The following GRM7 variants were observed in gnomAD, a reference collection of about 807,000 sequenced individuals.
GRM7 encodes the protein glutamate metabotropic receptor 7.
A neutral mutation model predicts 84.5 loss-of-function variants in GRM7; 35 were observed. That is an observed-to-expected ratio of 0.41 (90% confidence interval 0.32 to 0.55). The LOEUF (loss-of-function observed/expected upper bound fraction) is 0.55. GRM7 is among the 20% of genes least tolerant of loss of function. The probability of loss-of-function intolerance (pLI) is 0.19; values close to 1 mark genes in which losing one functional copy is unlikely to be tolerated. For missense variants in GRM7, 1,003 were observed against 1,194.6 expected (o/e 0.84, Z 2.36); for synonymous variants, 487 against 455.1 (o/e 1.07, Z -0.89).
chr3:7,372,693 C>T (rs1026255299), intron 4 of GRM7, among the ~76,000 whole-genome samples: 5 of 152,096 alleles, frequency 3.3e-5, no homozygotes, highest in East Asian at 3.9e-4. Flanking sequence ...CAGATCGATA[C>T]TTGTCATCTT....
At chr3:7,074,679 G>A (rs545128579) in intron 1 of GRM7, among the ~76,000 whole-genome samples, 1 of 152,104 alleles carries the variant, frequency 6.6e-6, no homozygotes, top group Non-Finnish European at 1.5e-5. Flanking sequence ...TCAGTGACAG[G>A]CTGGAGAATT....
chr3:7,408,798 C>T (rs1695792032), intron 4 of GRM7, among the ~76,000 whole-genome samples: 1 of 152,196 alleles, frequency 6.6e-6, no homozygotes, highest in Non-Finnish European at 1.5e-5. Context: ...CAAAATTCCC[C>T]ATTTTGCAGA....
chr3:7,126,190 C>T (rs949722989), intron 1 of GRM7, among the ~76,000 whole-genome samples: 2 of 152,122 alleles, frequency 1.3e-5, no homozygotes, highest in Non-Finnish European at 2.9e-5. Context: ...CTGCCTAGGG[C>T]CTTAAGTGAA....
At chr3:7,165,330 CT>C (rs918899610) in intron 2 of GRM7, among the ~76,000 whole-genome samples, 1 of 152,268 alleles carries the variant, frequency 6.6e-6, no homozygotes, top group Non-Finnish European at 1.5e-5. Flanking sequence ...CTCTGGCCCC[CT>C]GGTGGGCTGT....
chr3:7,456,929 C>T lies in GRM7; in HGVS notation c.1375+4122C>T, dbSNP rs556371728. 3.3e-5 allele frequency among the ~76,000 whole-genome samples: 5 copies of T among 152,176 alleles called. No individual in the cohort carries two copies. The East Asian group carries it at 9.7e-4, about 29-fold the overall frequency. ...AAGCTTAGAGGGGAAAAAAACTTGA[C>T]ATGTTTTACTCATTCAATTTTCTGA... is the stretch of plus-strand genomic sequence containing the variant. On this transcript the variant is annotated intron_variant, in intron 6 of 9. Coordinates refer to ENST00000357716, the MANE Select transcript of GRM7 (RefSeq NM_000844.4).
chr3:7,558,132 A>C (rs925571243), intron 7 of GRM7, among the ~76,000 whole-genome samples: 1 of 152,148 alleles, frequency 6.6e-6, no homozygotes, highest in African/African-American at 2.4e-5. Context: ...ATATATGACA[A>C]TGTATCTCTT....
chr3:7,737,835 T>G (rs1037992209), intron 9 of GRM7, among the ~76,000 whole-genome samples: 8 of 151,370 alleles, frequency 5.3e-5, no homozygotes, highest in African/African-American at 1.5e-4. Context: ...GTAAAAATTA[T>G]TCTCCCAATT....
intron 1 of GRM7, among the ~76,000 whole-genome samples, chr3:6,982,743 A>G (rs1057448803): frequency 2.0e-5 from 3 of 152,232 alleles, no homozygotes; most frequent in African/African-American, 7.2e-5. Flanking sequence ...AGCATATAGT[A>G]TGAAACTAGC....
At chr3:7,047,266 T>C (rs1254267587) in intron 1 of GRM7, among the ~76,000 whole-genome samples, 1 of 152,052 alleles carries the variant, frequency 6.6e-6, no homozygotes, top group East Asian at 1.9e-4. Flanking sequence ...TATTTTACAA[T>C]CTTAGAATCT....
At chr3:7,007,478 G>A (rs2124887732) in intron 1 of GRM7, among the ~76,000 whole-genome samples, 1 of 152,212 alleles carries the variant, frequency 6.6e-6, no homozygotes, top group South Asian at 2.1e-4. Context: ...AGGCCTATTA[G>A]CAAATATCTC....
At chr3:7,727,350 T>C (rs1331480025) in intron 9 of GRM7, among the ~76,000 whole-genome samples, 1 of 152,216 alleles carries the variant, frequency 6.6e-6, no homozygotes, top group African/African-American at 2.4e-5. Context: ...TTCAAATGCA[T>C]GTTGCTTGTA....
chr3:7,084,518 G>A (rs1391809086), intron 1 of GRM7, among the ~76,000 whole-genome samples: 1 of 152,136 alleles, frequency 6.6e-6, no homozygotes, highest in Non-Finnish European at 1.5e-5. Flanking sequence ...TGTGAGGTAT[G>A]TATGAGAAAA....
chr3:7,393,398 C>G (rs745857797), intron 4 of GRM7, among the ~76,000 whole-genome samples: 5 of 152,152 alleles, frequency 3.3e-5, no homozygotes, highest in Admixed American at 1.3e-4. Flanking sequence ...CTCCCATTGC[C>G]AAGATTGTAA....
Position 7,559,010 on chromosome 3 carries a change from T to C in GRM7, c.1516-19412T>C, listed in dbSNP as rs73019828. On this transcript the variant is annotated intron_variant, in intron 7 of 9. Coordinates refer to ENST00000357716, the MANE Select transcript of GRM7 (RefSeq NM_000844.4). ...CCTAATAGAATTATTTTGGTGTTGA[T>C]TTTGTTTAATCAAACATCAGAAAAT... Among the ~76,000 whole-genome samples, 1,010 of 152,286 alleles carry C rather than the reference T, an allele frequency of 6.6e-3. 7 individuals carry two copies. Among genetic ancestry groups the C allele is most frequent in the Non-Finnish European group, 0.012 (792 of 68,002 alleles).
chr3:7,164,685 A>G (rs1344239664), intron 2 of GRM7, among the ~76,000 whole-genome samples: 4 of 152,276 alleles, frequency 2.6e-5, no homozygotes, highest in African/African-American at 4.8e-5. Flanking sequence ...TAATCTAAAT[A>G]TAAAGTAATG....
At chr3:7,604,605 C>CTTTTAGGAAAGAAAGAA (rs1696474778) in intron 8 of GRM7, among the ~76,000 whole-genome samples, 1 of 152,136 alleles carries the variant, frequency 6.6e-6, no homozygotes, top group African/African-American at 2.4e-5. Flanking sequence ...CCTAAAAGGC[C>CTTTTAGGAAAGAAAGAA]ATCTTACTTT....
At chr3:7,581,567 G>C (rs1156525153) in intron 8 of GRM7, among the ~76,000 whole-genome samples, 2 of 152,154 alleles carry the variant, frequency 1.3e-5, no homozygotes, top group East Asian at 3.8e-4. Flanking sequence ...AATGTGGAAA[G>C]TGGCCAATTA....
At chr3:7,203,812 A>T (rs115423310) in intron 2 of GRM7, among the ~76,000 whole-genome samples, 4,249 of 152,252 alleles carry the variant, frequency 0.028, 177 homozygotes, top group African/African-American at 0.088. Context: ...TCTCAGATAC[A>T]CAGAAAATAA....
intron 1 of GRM7, among the ~76,000 whole-genome samples, chr3:6,978,007 A>G (rs892548136): frequency 6.6e-6 from 1 of 152,142 alleles, no homozygotes; most frequent in African/African-American, 2.4e-5. Context: ...CTCAAAATCT[A>G]TGTTCATGTC....
Sources: allele counts gnomAD v4.1 joint callset (sites outside exome capture counted in the v4.1 genomes callset), GRCh38; gene constraint gnomAD v4.1.1; transcripts MANE v1.5; gene names NCBI Gene and HGNC (gene_info 2026-07-23, HGNC 2026-07-21).